CALN1: variants seen among roughly 807,000 people sequenced by gnomAD.
CALN1 encodes the protein calcium-binding protein 8.
In CALN1, 17 loss-of-function variants were observed where a neutral mutation model predicts 30.6. That is an observed-to-expected ratio of 0.56 (90% CI 0.38 to 0.83). The LOEUF is 0.83. Ranked by LOEUF, CALN1 falls within the 40% of genes least tolerant of loss-of-function variation. The pLI, the probability that CALN1 is intolerant of heterozygous loss-of-function variation, is 0.00. For missense variants in CALN1, 291 were observed against 354.9 expected (o/e 0.82, Z 1.45); for synonymous variants, 156 against 131.4 (o/e 1.19, Z -1.28).
chr7:72,205,575 T>TACATATATATACAC (rs1196690990), intron 3 of CALN1, among the ~76,000 whole-genome samples: 1 of 119,632 alleles, frequency 8.4e-6, no homozygotes, highest in African/African-American at 4.2e-5. Flanking sequence ...TATGTATATA[T>TACATATATATACAC]ATATATATAT....
At chr7:71,933,516 G>C (rs1041324538) in intron 5 of CALN1, among the ~76,000 whole-genome samples, 3 of 152,124 alleles carry the variant, frequency 2.0e-5, no homozygotes, top group African/African-American at 4.8e-5. Flanking sequence ...CTTGGCGCAA[G>C]ATGATGAGCC....
chr7:72,404,700 C>T (rs889915273), intron 1 of CALN1, among the ~76,000 whole-genome samples: 7 of 152,176 alleles, frequency 4.6e-5, no homozygotes, highest in Admixed American at 1.3e-4. Flanking sequence ...GAGGTGCATG[C>T]TCATGCCTGG....
chr7:72,255,403 T>C (rs557801655), intron 3 of CALN1, among the ~76,000 whole-genome samples: 3 of 145,328 alleles, frequency 2.1e-5, no homozygotes, highest in East Asian at 4.2e-4. Flanking sequence ...TCTTTTCTTT[T>C]CTTTTTTTAT....
intron 5 of CALN1, among the ~76,000 whole-genome samples, chr7:71,991,352 G>A (rs1359042250): frequency 3.9e-5 from 6 of 152,022 alleles, no homozygotes; most frequent in Admixed American, 6.6e-5. Context: ...CCAGCTACTC[G>A]GGAGGCTGTG....
intron 2 of CALN1, among the ~76,000 whole-genome samples, chr7:72,323,344 T>C (rs776599458): frequency 6.6e-6 from 1 of 152,100 alleles, no homozygotes; most frequent in Non-Finnish European, 1.5e-5. Flanking sequence ...GTCAGGAAAA[T>C]GCTTCTCTTA....
At chr7:72,330,821 G>A (rs900820883) in intron 2 of CALN1, among the ~76,000 whole-genome samples, 2 of 152,160 alleles carry the variant, frequency 1.3e-5, no homozygotes, top group African/African-American at 4.8e-5. Flanking sequence ...GCCTGGTCAT[G>A]GAGAGCTGCC....
intron 3 of CALN1, among the ~76,000 whole-genome samples, chr7:72,173,324 AATATAT>A (rs148899936): frequency 6.6e-6 from 1 of 151,398 alleles, no homozygotes; most frequent in East Asian, 1.9e-4. Context: ...GACCTAAATG[AATATAT>A]ATATATATCA....
At chr7:72,385,882 T>C (rs1805182806) in intron 2 of CALN1, among the ~76,000 whole-genome samples, 1 of 152,196 alleles carries the variant, frequency 6.6e-6, no homozygotes, top group Non-Finnish European at 1.5e-5. Context: ...AAACTGTGAG[T>C]CAATTTAACC....
chr7:71,987,782 A>G (rs1345272796), intron 5 of CALN1, among the ~76,000 whole-genome samples: 1 of 152,236 alleles, frequency 6.6e-6, no homozygotes, highest in Non-Finnish European at 1.5e-5. Context: ...CTTTCCGGAT[A>G]GCAGGCTCGT....
chr7:72,208,990 TTCC>T (rs1562738921), intron 3 of CALN1, among the ~76,000 whole-genome samples: 1 of 146,586 alleles, frequency 6.8e-6, no homozygotes, highest in East Asian at 2.1e-4. Context: ...TCCTACTTCC[TTCC>T]TTCCTTCCCT....
intron 2 of CALN1, among the ~76,000 whole-genome samples, chr7:72,328,942 C>T (rs1188348021): frequency 6.6e-6 from 1 of 152,274 alleles, no homozygotes; most frequent in Non-Finnish European, 1.5e-5. Flanking sequence ...GCTGATCCAA[C>T]CATCTCGGCC....
intron 2 of CALN1, among the ~76,000 whole-genome samples, chr7:72,364,969 G>C (rs1396476962): frequency 7.4e-6 from 1 of 135,924 alleles, no homozygotes; most frequent in African/African-American, 2.8e-5. Context: ...CAGGAGTTTG[G>C]GATCAGCTTG....
chr7:72,217,578 G>C (rs1299939062), intron 3 of CALN1, among the ~76,000 whole-genome samples: 4 of 152,080 alleles, frequency 2.6e-5, no homozygotes, highest in African/African-American at 9.7e-5. Context: ...AGCTACATCA[G>C]AGTTCAGAGA....
intron 5 of CALN1, among the ~76,000 whole-genome samples, chr7:71,882,850 T>TTTTGTGTGTG (rs770012472): frequency 4.6e-5 from 6 of 130,970 alleles, no homozygotes; most frequent in African/African-American, 1.7e-4. Flanking sequence ...CCCATCTAAT[T>TTTTGTGTGTG]TGTGTGTGTG....
At chr7:72,351,138 A>G (rs1802898178) in intron 2 of CALN1, among the ~76,000 whole-genome samples, 1 of 151,998 alleles carries the variant, frequency 6.6e-6, no homozygotes, top group African/African-American at 2.4e-5. Flanking sequence ...TCTCAAAAAA[A>G]TAAACAAATA....
rs2129541278 is a variant in CALN1 at position 72,106,306 on chromosome 7, A to G, written c.245-12T>C. On this transcript the variant is annotated splice_polypyrimidine_tract_variant and intron_variant, in intron 3 of 6. Coordinates refer to ENST00000395275, the MANE Select transcript of CALN1 (RefSeq NM_031468.4). ...GGCCTCTCGGATTTCTACAATGGAA[A>G]AGCAAAGAAAGTCCAGTGGTCACAT... 1 of 1,613,720 alleles carries G rather than the reference A, an allele frequency of 6.2e-7. No homozygotes were observed. Among genetic ancestry groups the G allele is most frequent in the African/African-American group, 1.3e-5 (1 of 75,032 alleles).
At chr7:72,399,323 T>A (rs1210585893) in intron 2 of CALN1, among the ~76,000 whole-genome samples, 1 of 132,572 alleles carries the variant, frequency 7.5e-6, no homozygotes, top group Non-Finnish European at 1.5e-5. Context: ...CAGGCTGGAG[T>A]GCAGTGGCGC....
chr7:72,131,955 A>C (rs1445434003), intron 3 of CALN1, among the ~76,000 whole-genome samples: 3 of 152,150 alleles, frequency 2.0e-5, no homozygotes, highest in African/African-American at 7.2e-5. Flanking sequence ...CAAGATCTGC[A>C]TTATCCTCTT....
the CALN1 span, among the ~76,000 whole-genome samples, chr7:72,494,779 A>T: frequency 6.6e-6 from 1 of 152,134 alleles, no homozygotes; most frequent in Non-Finnish European, 1.5e-5. Flanking sequence ...AGGAGGAAAG[A>T]TCGCTGGAGC....
Sources: allele counts gnomAD v4.1 joint callset (sites outside exome capture counted in the v4.1 genomes callset), GRCh38; gene constraint gnomAD v4.1.1; transcripts MANE v1.5; gene names NCBI Gene and HGNC (gene_info 2026-07-23, HGNC 2026-07-21).